The following LARP1 variants were observed in gnomAD, a reference collection of about 807,000 sequenced individuals.
LARP1 encodes the protein La ribonucleoprotein 1, translational regulator.
Under a neutral mutation model 122.7 loss-of-function variants are expected in LARP1, and 36 were observed. That is an observed-to-expected ratio of 0.29 (90% CI 0.22 to 0.39). LARP1 has a LOEUF of 0.39. Among genes scored for constraint, LARP1 ranks in the 10% least tolerant of loss-of-function variants. The probability of loss-of-function intolerance (pLI) is 1.00; values close to 1 mark genes in which losing one functional copy is unlikely to be tolerated. For missense variants in LARP1, 1,040 were observed against 1,403.6 expected (o/e 0.74, Z 4.14); for synonymous variants, 539 against 528.7 (o/e 1.02, Z -0.27).
chr5:154,812,564 G>A (rs1759370730), intron 18 of LARP1, among the ~76,000 whole-genome samples: 1 of 127,382 alleles, frequency 7.9e-6, no homozygotes, highest in Non-Finnish European at 1.5e-5. Context: ...CTGTCACCCA[G>A]GCTAGAGTGC....
chr5:154,714,417 A>G (rs1755379015), intron 1 of LARP1, among the ~76,000 whole-genome samples: 1 of 152,200 alleles, frequency 6.6e-6, no homozygotes, highest in Non-Finnish European at 1.5e-5. Flanking sequence ...AAACAAAAAG[A>G]AAGGGGAAAT....
At chr5:154,727,950 C>T (rs1756327152) in intron 1 of LARP1, among the ~76,000 whole-genome samples, 1 of 152,042 alleles carries the variant, frequency 6.6e-6, no homozygotes, top group Non-Finnish European at 1.5e-5. Context: ...TGCCTGTAAC[C>T]CCAGCTACTC....
At chr5:154,759,908 G>GTGTTCTGAGT (rs1754306998) in intron 1 of LARP1, among the ~76,000 whole-genome samples, 1 of 150,652 alleles carries the variant, frequency 6.6e-6, no homozygotes, top group South Asian at 2.1e-4. Flanking sequence ...ATTTAAGATA[G>GTGTTCTGAGT]GCTGGGCTAA....
intron 15 of LARP1, among the ~76,000 whole-genome samples, chr5:154,808,059 GT>G (rs1016702174): frequency 4.6e-5 from 7 of 152,220 alleles, no homozygotes; most frequent in African/African-American, 1.7e-4. Flanking sequence ...TGATATTACT[GT>G]TTTGTACTTG....
At position 154,803,344 on chromosome 5, in the gene LARP1, AC is replaced by A. The variant is rs779583364; in HGVS notation, c.2165del (p.Thr722AsnfsTer2). The stretch of plus-strand genomic sequence containing the variant: ...TATGATCAGCCGGGAGCAGTTTGAC[AC>A]ACTGACCCCTGAGCCCCCTGTGGAT... Reference protein sequence around the residue: ...VNMISREQFDTLTPEPPVDPN... With the variant: ...VNMISREQFDXLTPEPPVDPN... On this transcript the variant is annotated frameshift_variant, in exon 12 of 19. Transcript: ENST00000518297. LOFTEE classifies it high-confidence loss of function. This position sits in a 1 kb window ranked among gnomAD's most constrained non-coding sequence, Gnocchi z 4.4. 6.2e-7 allele frequency: 1 copy of A among 1,614,172 alleles called. No homozygotes were observed. Among genetic ancestry groups the A allele is most frequent in the Non-Finnish European group, 8.5e-7 (1 of 1,180,030 alleles).
chr5:154,785,481 G>A (rs1350021911), intron 1 of LARP1, among the ~76,000 whole-genome samples: 1 of 152,208 alleles, frequency 6.6e-6, no homozygotes, highest in Non-Finnish European at 1.5e-5. Flanking sequence ...CATTTATTGT[G>A]TGCTAGGTAC....
At position 154,813,883 on chromosome 5, in the gene LARP1, G is replaced by GC; in HGVS notation, c.3082-3dup. On this transcript the variant is annotated splice_region_variant and splice_polypyrimidine_tract_variant and intron_variant, in intron 18 of 18. Coordinates refer to ENST00000518297, the MANE Select transcript of LARP1 (RefSeq NM_033551.3). ...ATCACCTGTGACTCCTTCCTCTGTTGCAGCCCCCCATGGGTGAGGAGGGCA... is the reference window on the plus strand; with the variant it reads ...ATCACCTGTGACTCCTTCCTCTGTTGCCAGCCCCCCATGGGTGAGGAGGGCA... 6.2e-7 allele frequency: 1 copy of GC among 1,612,846 alleles called. No homozygotes were observed. Among genetic ancestry groups the GC allele is most frequent in the Non-Finnish European group, 8.5e-7 (1 of 1,179,242 alleles).
At chr5:154,714,670 C>T (rs566595152) in intron 1 of LARP1, among the ~76,000 whole-genome samples, 40 of 152,210 alleles carry the variant, frequency 2.6e-4, no homozygotes, top group Non-Finnish European at 5.7e-4. Context: ...TCCTTTCCTG[C>T]AGCTCCCTGC....
At chr5:154,793,431 T>G (rs747079900) in intron 4 of LARP1, among the ~76,000 whole-genome samples, 164 bp from the exon 5 acceptor site, 3 of 152,082 alleles carry the variant, frequency 2.0e-5, no homozygotes, top group Non-Finnish European at 4.4e-5. Flanking sequence ...ACCAGCTTAT[T>G]TTAGAGATGA....
chr5:154,767,854 A>C (rs1274066135), intron 1 of LARP1, among the ~76,000 whole-genome samples: 1 of 152,068 alleles, frequency 6.6e-6, no homozygotes, highest in Non-Finnish European at 1.5e-5. Flanking sequence ...TGGTGAGTGC[A>C]AGGTTGGGTA....
intron 1 of LARP1, among the ~76,000 whole-genome samples, chr5:154,744,515 T>C (rs1753074684): frequency 1.3e-5 from 2 of 150,812 alleles, no homozygotes. Flanking sequence ...AAATACTGTG[T>C]GGACCAAACA....
chr5:154,732,109 T>C (rs1756610167), intron 1 of LARP1, among the ~76,000 whole-genome samples: 1 of 147,512 alleles, frequency 6.8e-6, no homozygotes, highest in South Asian at 2.1e-4. Flanking sequence ...GAGGTTGCAG[T>C]GAGCCGAGAT....
intron 1 of LARP1, among the ~76,000 whole-genome samples, chr5:154,787,560 C>T (rs751197938): frequency 6.6e-6 from 1 of 152,194 alleles, no homozygotes; most frequent in Non-Finnish European, 1.5e-5. Flanking sequence ...TTCTGGGTTT[C>T]CTTGAAGCCC....
intron 1 of LARP1, among the ~76,000 whole-genome samples, chr5:154,780,202 A>G: frequency 6.6e-6 from 1 of 152,220 alleles, no homozygotes; most frequent in Non-Finnish European, 1.5e-5. Context: ...GGACAGACAG[A>G]CAGTGAGAAA....
At chr5:154,758,928 T>G (rs535535421) in intron 1 of LARP1, among the ~76,000 whole-genome samples, 65 of 152,316 alleles carry the variant, frequency 4.3e-4, no homozygotes, top group Admixed American at 1.2e-3. Flanking sequence ...GCATTTTGGT[T>G]TTTTAGATCT....
At chr5:154,761,679 A>T (rs956521973) in intron 1 of LARP1, among the ~76,000 whole-genome samples, 1 of 152,156 alleles carries the variant, frequency 6.6e-6, no homozygotes, top group Non-Finnish European at 1.5e-5. Flanking sequence ...AGGAGAGAGG[A>T]TGGCCTTACC....
chr5:154,744,462 G>C (rs1353586278), intron 1 of LARP1, among the ~76,000 whole-genome samples: 1 of 152,066 alleles, frequency 6.6e-6, no homozygotes, highest in Non-Finnish European at 1.5e-5. Context: ...AGGCTCACTA[G>C]TATTTGCTGG....
At chr5:154,811,039 G>T (rs1333872124) in intron 16 of LARP1, among the ~76,000 whole-genome samples, 1 of 152,222 alleles carries the variant, frequency 6.6e-6, no homozygotes, top group African/African-American at 2.4e-5. Flanking sequence ...GTCTGTGGCA[G>T]GGGGACAGAG....
Position 154,756,074 on chromosome 5 carries a change from C to G in LARP1, c.317C>G (p.Ala106Gly). 8.7e-7 allele frequency: 1 copy of G among 1,145,170 alleles called. No individual in the cohort carries two copies. The highest frequency in any genetic ancestry group is 1.1e-6 in the Non-Finnish European group (1 of 918,580). 70.9% of individuals were successfully genotyped at this position (1,145,170 alleles called of 1,614,324 possible). Reference protein sequence around the residue: ...GGEPGAGGGAAGAAGAGRRDF... With the variant: ...GGEPGAGGGAGGAAGAGRRDF... ...GAGCCAGGCGCTGGCGGAGGAGCTG[C>G]CGGAGCCGCGGGCGCGGGGCGCCGG... Residue 106 changes from alanine (A) to glycine (G), a missense_variant, in exon 1 of 19, where the codon GCC (alanine) becomes GGC (glycine). This residue lies in a region of LARP1 where 257 missense variants were observed against 273.3 expected (regional missense o/e 0.94). Transcript: ENST00000518297.
Sources: gnomAD v4.1 joint callset for allele counts (sites outside exome capture counted in the v4.1 genomes callset) on GRCh38, gnomAD v4.1.1 for gene constraint, gnomAD v4.1.1 regional missense constraint, Gnocchi (gnomAD v3.1) non-coding constraint, MANE v1.5 for transcripts, NCBI Gene and HGNC (gene_info 2026-07-23, HGNC 2026-07-21) for gene names.